LINC00632: variants seen among roughly 807,000 people sequenced by gnomAD.
LINC00632 encodes the protein ALDOA related specific transcript.
chrX:140,745,552 CAT>C (rs1475921067), intron 3 of LINC00632, among the ~76,000 whole-genome samples: 1 of 111,207 alleles, frequency 9.0e-6, no homozygotes, highest in African/African-American at 3.3e-5. Context: ...CTATTGACCA[CAT>C]GACATGGTCA....
At chrX:140,716,681 T>C (rs1235328305) in intron 2 of LINC00632, among the ~76,000 whole-genome samples, 1 of 108,871 alleles carries the variant, frequency 9.2e-6, no homozygotes, top group Non-Finnish European at 1.9e-5. Context: ...AACAAATTTG[T>C]GCACAGGCTT....
chrX:140,776,177 C>T (rs1931868260), exon 5 of LINC00632, among the ~76,000 whole-genome samples: 1 of 112,216 alleles, frequency 8.9e-6, no homozygotes, highest in Non-Finnish European at 1.9e-5. Context: ...AAAAAAAGCT[C>T]ATCATCACTG....
exon 5 of LINC00632, among the ~76,000 whole-genome samples, chrX:140,787,416 G>A (rs1314195718): frequency 4.5e-5 from 5 of 111,650 alleles, no homozygotes; most frequent in Admixed American, 1.9e-4. Flanking sequence ...TCCTATTGGT[G>A]AGCATTAAGT....
At chrX:140,743,973 G>T (rs1931282923) in intron 3 of LINC00632, among the ~76,000 whole-genome samples, 1 of 111,883 alleles carries the variant, frequency 8.9e-6, no homozygotes, top group Admixed American at 9.5e-5. Flanking sequence ...TCATGAAAAG[G>T]CTGTTTCCTG....
chrX:140,728,734 A>G (rs73637750), intron 2 of LINC00632, among the ~76,000 whole-genome samples: 1,530 of 111,399 alleles, frequency 0.014, 27 homozygotes, highest in African/African-American at 0.047. Flanking sequence ...TCATTTTCAG[A>G]CTTTCTTCCA....
intron 3 of LINC00632, among the ~76,000 whole-genome samples, chrX:140,770,975 C>A (rs1931779063): frequency 9.0e-6 from 1 of 111,671 alleles, no homozygotes; most frequent in African/African-American, 3.3e-5. Context: ...CTTGAGGACT[C>A]AACCTGGTTA....
chrX:140,718,702 C>T (rs891060301), intron 2 of LINC00632, among the ~76,000 whole-genome samples: 5 of 111,690 alleles, frequency 4.5e-5, no homozygotes, highest in African/African-American at 9.8e-5. Flanking sequence ...TGAGCCACCG[C>T]GCCCAGCCTG....
At chrX:140,783,566 T>C in exon 5 of LINC00632, 3 of 1,189,620 alleles carry the variant, frequency 2.5e-6, no homozygotes, top group Non-Finnish European at 3.4e-6. Flanking sequence ...AATCTAGTTC[T>C]TCCAGAAAAA....
exon 5 of LINC00632, chrX:140,783,342 CCAAGTCTTCCAGTAAAT>C (rs751856411): frequency 1.2e-5 from 5 of 419,178 alleles, no homozygotes; most frequent in African/African-American, 1.0e-4. Context: ...CCAAGAAGCT[CCAAGTCTTCCAGTAAAT>C]CAAGTCTTCC....
At chrX:140,717,377 C>T (rs1930652020) in intron 2 of LINC00632, among the ~76,000 whole-genome samples, 1 of 110,682 alleles carries the variant, frequency 9.0e-6, no homozygotes, top group Admixed American at 9.7e-5. Context: ...CGAACACTGC[C>T]ACACGTATGA....
chrX:140,751,747 A>AT (rs1476480680), intron 3 of LINC00632, among the ~76,000 whole-genome samples: 1 of 111,825 alleles, frequency 8.9e-6, no homozygotes, highest in African/African-American at 3.2e-5. Context: ...ATTTGTGAAT[A>AT]TTACTAAATG....
intron 3 of LINC00632, among the ~76,000 whole-genome samples, chrX:140,760,713 G>C (rs1409577035): frequency 1.8e-5 from 2 of 111,520 alleles, no homozygotes; most frequent in African/African-American, 3.3e-5. Flanking sequence ...AGAGGTTGCA[G>C]TGAGCAACCT....
intron 3 of LINC00632, among the ~76,000 whole-genome samples, chrX:140,767,604 A>G (rs1931713498): frequency 8.9e-6 from 1 of 112,205 alleles, no homozygotes; most frequent in Non-Finnish European, 1.9e-5. Context: ...TCTTACTCAG[A>G]GTAGAATATT....
chrX:140,776,489 C>G (rs773839489), exon 5 of LINC00632, among the ~76,000 whole-genome samples: 1 of 113,128 alleles, frequency 8.8e-6, no homozygotes, highest in Admixed American at 9.2e-5. Flanking sequence ...CCGGCGCTGT[C>G]CCTCTTCCTT....
exon 5 of LINC00632, among the ~76,000 whole-genome samples, chrX:140,781,096 G>T (rs762037509): frequency 9.0e-6 from 1 of 110,796 alleles, no homozygotes; most frequent in Non-Finnish European, 1.9e-5. Context: ...ATCATGCATG[G>T]CCTAGTTCCA....
intron 3 of LINC00632, among the ~76,000 whole-genome samples, chrX:140,741,737 C>T (rs777901495): frequency 1.8e-5 from 2 of 111,873 alleles, no homozygotes; most frequent in African/African-American, 6.5e-5. Flanking sequence ...TAATAGAGAC[C>T]TTGGGGAAGT....
At chrX:140,780,307 G>A (rs1463714808) in exon 5 of LINC00632, among the ~76,000 whole-genome samples, 1 of 111,340 alleles carries the variant, frequency 9.0e-6, no homozygotes, top group Non-Finnish European at 1.9e-5. Flanking sequence ...TCAAATTAAG[G>A]TATGCATGAT....
chrX:140,719,764 G>A (rs761090534), intron 2 of LINC00632, among the ~76,000 whole-genome samples: 2 of 109,313 alleles, frequency 1.8e-5, no homozygotes, highest in African/African-American at 6.7e-5. Context: ...AGACTCGCCC[G>A]GAAACACCCA....
At chrX:140,738,087 G>A (rs1411835049) in intron 3 of LINC00632, among the ~76,000 whole-genome samples, 1 of 111,946 alleles carries the variant, frequency 8.9e-6, no homozygotes, top group Non-Finnish European at 1.9e-5. Context: ...ATCAGTGTCA[G>A]CAATATATAC....
Sources: allele counts gnomAD v4.1 joint callset (sites outside exome capture counted in the v4.1 genomes callset), GRCh38; gene constraint gnomAD v4.1.1; transcripts MANE v1.5; gene names NCBI Gene and HGNC (gene_info 2026-07-23, HGNC 2026-07-21).